The following RIMS2 variants were observed in gnomAD, a reference collection of about 807,000 sequenced individuals.
RIMS2 encodes the protein regulating synaptic membrane exocytosis 2.
Under a neutral mutation model 174.4 loss-of-function variants are expected in RIMS2, and 59 were observed. The observed-to-expected ratio is 0.34, with a 90% confidence interval of 0.27 to 0.42. The LOEUF (loss-of-function observed/expected upper bound fraction) is 0.42. RIMS2 is among the 10% of genes least tolerant of loss of function. The probability of loss-of-function intolerance (pLI) is 1.00; values close to 1 mark genes in which losing one functional copy is unlikely to be tolerated. For missense variants in RIMS2, 1,620 were observed against 1,666.3 expected (o/e 0.97, Z 0.48); for synonymous variants, 606 against 572.5 (o/e 1.06, Z -0.84).
chr8:103,874,093 A>T (rs185577675), intron 3 of RIMS2, among the ~76,000 whole-genome samples: 61 of 152,142 alleles, frequency 4.0e-4, no homozygotes, highest in Non-Finnish European at 6.8e-4. Context: ...TTCTATTTTT[A>T]ATTATCACTA....
chr8:103,663,185 T>TA (rs893780781), intron 1 of RIMS2, among the ~76,000 whole-genome samples: 23 of 148,656 alleles, frequency 1.5e-4, no homozygotes, highest in African/African-American at 5.2e-4. Context: ...AAAAAAAAAA[T>TA]TTTTTTTCTG....
chr8:103,596,137 C>T (rs2094470625), intron 1 of RIMS2, among the ~76,000 whole-genome samples: 1 of 151,808 alleles, frequency 6.6e-6, no homozygotes, highest in African/African-American at 2.4e-5. Context: ...AATAATAAGC[C>T]AATTAATTGA....
At chr8:103,793,031 G>A (rs140271762) in intron 3 of RIMS2, among the ~76,000 whole-genome samples, 23,913 of 152,056 alleles carry the variant, frequency 0.16, 1,983 homozygotes, top group Middle Eastern at 0.24. Context: ...CATTCCTTCT[G>A]AAACTATTCC....
intron 19 of RIMS2, among the ~76,000 whole-genome samples, chr8:104,058,962 G>A (rs567069989): frequency 6.6e-6 from 1 of 152,054 alleles, no homozygotes; most frequent in Non-Finnish European, 1.5e-5. Flanking sequence ...TGCTGTTTTG[G>A]TTACTGTAGC....
chr8:104,127,436 T>G (rs904114102), intron 19 of RIMS2, among the ~76,000 whole-genome samples: 1 of 152,108 alleles, frequency 6.6e-6, no homozygotes, highest in Non-Finnish European at 1.5e-5. Context: ...GTTCACTATA[T>G]TGGAAGAGTG....
chr8:103,861,796 A>G (rs181430857), intron 3 of RIMS2, among the ~76,000 whole-genome samples: 15 of 151,994 alleles, frequency 9.9e-5, no homozygotes, highest in Admixed American at 9.8e-4. Context: ...ATGTCTGTTC[A>G]TGATGTCCTT....
chr8:104,156,802 A>T, intron 19 of RIMS2, among the ~76,000 whole-genome samples: 1 of 152,190 alleles, frequency 6.6e-6, no homozygotes, highest in South Asian at 2.1e-4. Context: ...GTAATCCTGG[A>T]TCCATCCTTC....
In RIMS2 at chr8:103,763,439, G is replaced by GAA. The variant is rs60882790; in HGVS notation, c.388-2778_388-2777dup. On this transcript the variant is annotated intron_variant, in intron 2 of 23. Coordinates refer to ENST00000504942, the Ensembl canonical transcript of RIMS2. ...TGACAAGGTAAGACCCTGTTTCAAG[G>GAA]AAAAAAAAAAAGAAGAAGGAAGAAA... Among the ~76,000 whole-genome samples the GAA allele has an allele frequency of 2.3e-4, 33 of 141,556 alleles. 1 individual carries two copies. Among genetic ancestry groups the GAA allele is most frequent in the Non-Finnish European group, 3.1e-4 (20 of 65,004 alleles). 92.9% of individuals were successfully genotyped at this position (141,556 alleles called of 152,430 possible). A position where few individuals can be genotyped will look rare whatever the true frequency, so the allele number is the denominator to read the frequency against.
rs189912934 is a variant in RIMS2 at position 104,206,325 on chromosome 8, C to A, written c.3335-38591C>A. On this transcript the variant is annotated intron_variant, in intron 19 of 23. Transcript: ENST00000504942. Reference sequence around the variant, plus strand: ...AATTATAGTTAATATAAATTCGTATCTCTCTGAACTTTAGAAACAAAAAAT... The same window carrying A: ...AATTATAGTTAATATAAATTCGTATATCTCTGAACTTTAGAAACAAAAAAT... Among the ~76,000 whole-genome samples the A allele has an allele frequency of 1.9e-3, 288 of 152,248 alleles. 2 individuals carry two copies. The highest frequency in any genetic ancestry group is 6.4e-3 in the African/African-American group (265 of 41,534).
At chr8:104,224,298 GT>G (rs1563854011) in intron 19 of RIMS2, among the ~76,000 whole-genome samples, 2 of 152,334 alleles carry the variant, frequency 1.3e-5, no homozygotes, top group Middle Eastern at 3.4e-3. Flanking sequence ...CCGAAGGTGA[GT>G]TTGTGCTCAA....
At chr8:103,529,182 GCTTT>G (rs1355164320) in intron 1 of RIMS2, among the ~76,000 whole-genome samples, 4 of 152,244 alleles carry the variant, frequency 2.6e-5, no homozygotes, top group South Asian at 2.1e-4. Flanking sequence ...TCATGATTTG[GCTTT>G]CTGTTTGTCT....
Position 104,034,462 on chromosome 8 carries a change from CTTTTTT to C in RIMS2, c.3334+19867_3334+19872del, listed in dbSNP as rs200907072. 6.2e-3 allele frequency among the ~76,000 whole-genome samples: 732 copies of C among 118,324 alleles called. 4 individuals are homozygous for C. The highest frequency in any genetic ancestry group is 0.021 in the African/African-American group (695 of 33,674). The allele number at this position is 118,324 out of a possible 152,430, so 77.6% of individuals were successfully genotyped here. On this transcript the variant is annotated intron_variant, in intron 19 of 23. Coordinates refer to ENST00000504942, the Ensembl canonical transcript of RIMS2. ...AAAACAAGTGATTTACTTGCAGTAT[CTTTTTT>C]TTTTTTTTTTTTTTTTTTTGAAACA...
chr8:103,785,022 T>A (rs2098427735), intron 3 of RIMS2, among the ~76,000 whole-genome samples: 2 of 141,748 alleles, frequency 1.4e-5, no homozygotes, highest in African/African-American at 5.3e-5. Context: ...TTTTATTCTC[T>A]TTGAAGCAAT....
At chr8:103,911,414 A>G (rs2075646844) in intron 5 of RIMS2, among the ~76,000 whole-genome samples, 3 of 152,178 alleles carry the variant, frequency 2.0e-5, no homozygotes, top group South Asian at 4.1e-4. Flanking sequence ...ATCATGAAAG[A>G]ACCTCTGAGA....
At position 103,896,644 on chromosome 8, in the gene RIMS2, C is replaced by A. The variant is rs138420741; in HGVS notation, c.1624+10421C>A. 9.9e-5 allele frequency among the ~76,000 whole-genome samples: 15 copies of A among 151,644 alleles called. No individual in the cohort carries two copies. The East Asian group carries it at 2.9e-3, about 29-fold the overall frequency. On this transcript the variant is annotated intron_variant, in intron 4 of 23. Coordinates refer to ENST00000504942, the Ensembl canonical transcript of RIMS2. ...GGCAAGGTTCAGCTGTGTAGTTTTT[C>A]TTCTTCAAATGATGCTATAGAGGTT...
At chr8:103,980,718 G>C (rs2093825827) in intron 16 of RIMS2, among the ~76,000 whole-genome samples, 1 of 152,220 alleles carries the variant, frequency 6.6e-6, no homozygotes, top group Admixed American at 6.5e-5. Context: ...TGAGTCACAG[G>C]CCTGGCAGCA....
At chr8:103,768,824 C>T (rs1053296715) in intron 3 of RIMS2, 2 of 642,562 alleles carry the variant, frequency 3.1e-6, no homozygotes, top group Admixed American at 2.1e-5. Context: ...CTTATTACTC[C>T]ATGTGTCCTG....
intron 19 of RIMS2, among the ~76,000 whole-genome samples, chr8:104,023,023 C>A (rs1212892009): frequency 6.6e-6 from 1 of 152,252 alleles, no homozygotes; most frequent in East Asian, 1.9e-4. Flanking sequence ...TGTCCTTTTG[C>A]TATCTTCTGA....
chr8:103,765,765 A>G (rs995423225), intron 2 of RIMS2, among the ~76,000 whole-genome samples: 1 of 152,138 alleles, frequency 6.6e-6, no homozygotes, highest in Admixed American at 6.5e-5. Flanking sequence ...ATTCAGCCTC[A>G]AATTACAGGG....
Sources: allele counts gnomAD v4.1 joint callset (sites outside exome capture counted in the v4.1 genomes callset), GRCh38; gene constraint gnomAD v4.1.1; transcripts MANE v1.5; gene names NCBI Gene and HGNC (gene_info 2026-07-23, HGNC 2026-07-21).